PRELID2: variants seen among roughly 807,000 people sequenced by gnomAD.
The protein encoded by PRELID2 is PRELI domain containing 2, also known as PRELI domain-containing protein 2.
PRELID2 carries 25 observed loss-of-function variants against 28.4 expected under a neutral mutation model. The ratio of observed to expected loss-of-function variants is 0.88; its 90% CI spans 0.64 to 1.23. The LOEUF is 1.23. Ranked by LOEUF, PRELID2 falls within the 50% of genes most tolerant of loss-of-function variation. PRELID2 has a pLI of 0.00. For synonymous variants in PRELID2, 76 were observed against 71.6 expected (o/e 1.06, Z -0.31); for missense variants, 201 against 214.4 (o/e 0.94, Z 0.39).
chr5:145,429,355 T>G, the PRELID2 span, among the ~76,000 whole-genome samples: 91 of 152,256 alleles, frequency 6.0e-4, no homozygotes, highest in African/African-American at 2.1e-3. Flanking sequence ...CTTCGAGGTT[T>G]GTGGTCTGAG....
Position 145,694,818 on chromosome 5 carries a change from G to C in PRELID2, n.70+70113C>G, listed in dbSNP as rs144088054. Among the ~76,000 whole-genome samples, 1,444 of 150,692 alleles carry C rather than the reference G, an allele frequency of 9.6e-3. 21 individuals carry two copies. Among genetic ancestry groups the C allele is most frequent in the African/African-American group, 0.032 (1,323 of 41,098 alleles). ...TCCAAAGGAAAAAAAAAAAAGGAAA[G>C]AGTGGCAGGAATTGGGCAGAGGGAC... On this transcript the variant is annotated intron_variant and non_coding_transcript_variant, in intron 1 of 2. Coordinates refer to the PRELID2 transcript ENST00000510259.
chr5:145,354,785 T>A, the PRELID2 span, among the ~76,000 whole-genome samples: 1 of 152,182 alleles, frequency 6.6e-6, no homozygotes, highest in South Asian at 2.1e-4. Flanking sequence ...AAATAATGAA[T>A]CATCTTGAAC....
intron 1 of PRELID2, among the ~76,000 whole-genome samples, chr5:145,723,989 CA>C (rs1756060533): frequency 6.6e-6 from 1 of 152,086 alleles, no homozygotes; most frequent in South Asian, 2.1e-4. Flanking sequence ...GATGCATACA[CA>C]CAATGGAATG....
At chr5:145,735,219 C>T (rs527802002) in intron 1 of PRELID2, among the ~76,000 whole-genome samples, 3 of 147,212 alleles carry the variant, frequency 2.0e-5, no homozygotes, top group Admixed American at 1.4e-4. Context: ...CACTCCAGCC[C>T]GGGCGACAGT....
chr5:145,353,068 C>A, the PRELID2 span, among the ~76,000 whole-genome samples: 3 of 152,172 alleles, frequency 2.0e-5, no homozygotes, highest in Non-Finnish European at 4.4e-5. Context: ...TTACCCAGCT[C>A]CAAAGTCACT....
the PRELID2 span, among the ~76,000 whole-genome samples, chr5:145,245,538 A>G: frequency 1.3e-5 from 2 of 152,170 alleles, no homozygotes; most frequent in East Asian, 1.9e-4. Flanking sequence ...AGCAGTTACA[A>G]TTCCATTCCC....
At chr5:145,712,110 C>T (rs1052249956) in intron 1 of PRELID2, among the ~76,000 whole-genome samples, 5 of 152,224 alleles carry the variant, frequency 3.3e-5, no homozygotes, top group South Asian at 4.1e-4. Context: ...AATCAGCTAA[C>T]GCTGGTGTGC....
chr5:145,380,179 G>A, the PRELID2 span, among the ~76,000 whole-genome samples: 1 of 152,182 alleles, frequency 6.6e-6, no homozygotes, highest in African/African-American at 2.4e-5. Context: ...TCATGCCGGG[G>A]TCCCAGAGGC....
chr5:145,431,415 G>A, the PRELID2 span, among the ~76,000 whole-genome samples: 1 of 152,048 alleles, frequency 6.6e-6, no homozygotes, highest in Non-Finnish European at 1.5e-5. Flanking sequence ...TGATAAACTG[G>A]ATATTTACAT....
chr5:145,411,659 T>C, the PRELID2 span, among the ~76,000 whole-genome samples: 1 of 152,164 alleles, frequency 6.6e-6, no homozygotes, highest in South Asian at 2.1e-4. Flanking sequence ...TAGAGGATGG[T>C]GGCCTCCTTC....
At chr5:145,418,766 A>G in the PRELID2 span, among the ~76,000 whole-genome samples, 1 of 151,886 alleles carries the variant, frequency 6.6e-6, no homozygotes, top group Non-Finnish European at 1.5e-5. Flanking sequence ...TTTAGGGTAC[A>G]TGTGCACATT....
rs1027845567 is a variant in PRELID2, at chr5:145,568,866, C to T, written n.71-95551G>A. Among the ~76,000 whole-genome samples, 11 of 152,344 alleles carry T rather than the reference C, an allele frequency of 7.2e-5. 1 individual carries two copies. Among genetic ancestry groups the T allele is most frequent in the Non-Finnish European group, 1.5e-4 (10 of 68,040 alleles). ...CTGGGACAGGATGTTACACACTGTA[C>T]CTGCCACCCCACCACCATCTCAGAG... On this transcript the variant is annotated intron_variant and non_coding_transcript_variant, in intron 1 of 2. Transcript: ENST00000510259.
chr5:145,358,705 A>C, the PRELID2 span, among the ~76,000 whole-genome samples: 1 of 152,322 alleles, frequency 6.6e-6, no homozygotes, highest in Middle Eastern at 3.4e-3. Flanking sequence ...GAAAGGGAAA[A>C]TGGTCCCTTC....
intron 1 of PRELID2, among the ~76,000 whole-genome samples, chr5:145,597,769 T>C (rs1753330805): frequency 6.6e-6 from 1 of 152,216 alleles, no homozygotes; most frequent in Admixed American, 6.6e-5. Flanking sequence ...CTAGATTTCT[T>C]TGCTAACATA....
At chr5:145,337,733 TCA>T in the PRELID2 span, among the ~76,000 whole-genome samples, 74,369 of 96,596 alleles carry the variant, frequency 0.77, 28,078 homozygotes, top group Middle Eastern at 0.83. Context: ...ATATATATAC[TCA>T]CACACACACA....
chr5:145,526,647 G>A (rs1436506217), intron 1 of PRELID2, among the ~76,000 whole-genome samples: 1 of 152,068 alleles, frequency 6.6e-6, no homozygotes, highest in Non-Finnish European at 1.5e-5. Flanking sequence ...TGTTCTAGAG[G>A]ATGGAAAAAC....
At chr5:145,525,774 A>G (rs1215025226) in intron 1 of PRELID2, among the ~76,000 whole-genome samples, 1 of 152,236 alleles carries the variant, frequency 6.6e-6, no homozygotes, top group Admixed American at 6.5e-5. Context: ...AGAAACCAAT[A>G]ACCATTTATA....
intron 4 of PRELID2, among the ~76,000 whole-genome samples, chr5:145,817,383 C>T (rs1344610474): frequency 3.1e-5 from 4 of 130,784 alleles, no homozygotes; most frequent in African/African-American, 5.4e-5. Flanking sequence ...CATATAGTCA[C>T]AGGATTGAAT....
the PRELID2 span, among the ~76,000 whole-genome samples, chr5:145,352,150 C>T: frequency 1.3e-5 from 2 of 152,158 alleles, no homozygotes; most frequent in Admixed American, 6.6e-5. Context: ...CTAGGCAATA[C>T]CACAGTGGGG....
Sources: allele counts gnomAD v4.1 joint callset (sites outside exome capture counted in the v4.1 genomes callset), GRCh38; gene constraint gnomAD v4.1.1; transcripts MANE v1.5; gene names NCBI Gene and HGNC (gene_info 2026-07-23, HGNC 2026-07-21).